PARD3B: variants seen among roughly 807,000 people sequenced by gnomAD.
The protein encoded by PARD3B is par-3 family cell polarity regulator beta, also known as partitioning defective 3 homolog B.
A neutral mutation model predicts 130.2 loss-of-function variants in PARD3B; 103 were observed. The observed-to-expected ratio is 0.79, with a 90% CI of 0.67 to 0.93. The LOEUF (loss-of-function observed/expected upper bound fraction) is 0.93, where lower values mean the gene tolerates loss of function less well. Among genes scored for constraint, PARD3B ranks in the 40% least tolerant of loss-of-function variants. The pLI, the probability that PARD3B is intolerant of heterozygous loss-of-function variation, is 0.00. For synonymous variants in PARD3B, 583 were observed against 553.2 expected (o/e 1.05, Z -0.76); for missense variants, 1,609 against 1,499.2 (o/e 1.07, Z -1.21).
chr2:204,939,081 G>C lies in PARD3B; in HGVS notation c.223-26071G>C, dbSNP rs149254704. Among the ~76,000 whole-genome samples the C allele has an allele frequency of 7.3e-3, 1,118 of 152,144 alleles. 6 individuals carry two copies. The highest frequency in any genetic ancestry group is 0.014 in the Admixed American group (213 of 15,280). Reference sequence around the variant, plus strand: ...AGGAAAATGAGTATTATCTGACATGGTACTCCTGAAAACATGTCAGTTACT... The same window carrying C: ...AGGAAAATGAGTATTATCTGACATGCTACTCCTGAAAACATGTCAGTTACT... On this transcript the variant is annotated intron_variant, in intron 2 of 22. Coordinates refer to ENST00000406610, the MANE Select transcript of PARD3B (RefSeq NM_001302769.2).
chr2:204,784,275 G>T (rs1212987099), intron 2 of PARD3B, among the ~76,000 whole-genome samples: 2 of 152,144 alleles, frequency 1.3e-5, no homozygotes. Context: ...GAGTTCTTAT[G>T]CTCTGGCAAA....
rs548135298 is a variant in PARD3B, at chr2:204,866,242, T to C, written c.223-98910T>C. ...TAACAGACAAATAGGTCCAGGGAGC[T>C]CAAAATCCATTTCCACCATTTATTA... On this transcript the variant is annotated intron_variant, in intron 2 of 22. Transcript: ENST00000406610. 4.6e-5 allele frequency among the ~76,000 whole-genome samples: 7 copies of C among 152,330 alleles called. No individual in the cohort carries two copies. In the South Asian group the frequency reaches 1.4e-3, roughly 32 times the overall value.
At chr2:205,027,492 T>C (rs1056627669) in intron 3 of PARD3B, among the ~76,000 whole-genome samples, 1 of 152,164 alleles carries the variant, frequency 6.6e-6, no homozygotes, top group African/African-American at 2.4e-5. Flanking sequence ...TTGCAAATAA[T>C]TTTTCCCAAT....
At chr2:205,353,312 C>G (rs370748405) in intron 18 of PARD3B, among the ~76,000 whole-genome samples, 1 of 152,204 alleles carries the variant, frequency 6.6e-6, no homozygotes. Context: ...TACCCCTTTT[C>G]TCCCCCTTGA....
intron 3 of PARD3B, among the ~76,000 whole-genome samples, chr2:205,017,669 C>T (rs536364110): frequency 6.6e-6 from 1 of 152,260 alleles, no homozygotes; most frequent in South Asian, 2.1e-4. Flanking sequence ...GTCCTTCCCT[C>T]ACCTTCACCC....
In PARD3B at chr2:204,907,315, T is replaced by C. The variant is rs534758690; in HGVS notation, c.223-57837T>C. Among the ~76,000 whole-genome samples the C allele has an allele frequency of 6.6e-6, 1 of 152,316 alleles. No individual in the cohort carries two copies. The highest frequency in any genetic ancestry group is 2.4e-5 in the African/African-American group (1 of 41,570). On this transcript the variant is annotated intron_variant, in intron 2 of 22. Transcript: ENST00000406610. This position sits in a 1 kb window ranked among gnomAD's most constrained non-coding sequence, Gnocchi z 5.7. The stretch of plus-strand genomic sequence containing the variant: ...CTGTGGAGGACAATGACTAGGGCTG[T>C]GACAGATGATGTGAATCCATAGGGC...
intron 4 of PARD3B, among the ~76,000 whole-genome samples, chr2:205,050,392 A>T (rs1212278755): frequency 6.6e-6 from 1 of 151,560 alleles, no homozygotes; most frequent in African/African-American, 2.4e-5. Context: ...ACTAGAAGGA[A>T]GGTGTGTGTG....
chr2:204,681,560 C>T (rs1322543410), intron 1 of PARD3B, among the ~76,000 whole-genome samples: 2 of 152,178 alleles, frequency 1.3e-5, no homozygotes, highest in Non-Finnish European at 1.5e-5. Flanking sequence ...TCATAATAAA[C>T]TGTATATTCA....
intron 2 of PARD3B, among the ~76,000 whole-genome samples, chr2:204,786,628 C>T (rs992944579): frequency 6.6e-6 from 1 of 151,656 alleles, no homozygotes; most frequent in African/African-American, 2.4e-5. Flanking sequence ...TGTCCTGTTT[C>T]CCCTTGTCAG....
At chr2:205,319,516 T>C (rs939548993) in intron 18 of PARD3B, among the ~76,000 whole-genome samples, 2 of 152,220 alleles carry the variant, frequency 1.3e-5, no homozygotes, top group Admixed American at 6.5e-5. Flanking sequence ...ATGGTCTGTG[T>C]AGCTGGCAGA....
chr2:205,209,546 G>A, intron 15 of PARD3B, among the ~76,000 whole-genome samples: 1 of 151,318 alleles, frequency 6.6e-6, no homozygotes, highest in Non-Finnish European at 1.5e-5. Context: ...TTCATTAGTT[G>A]AAAATGTTAT....
intron 2 of PARD3B, among the ~76,000 whole-genome samples, chr2:204,867,960 G>A (rs1396224270): frequency 6.6e-6 from 1 of 152,170 alleles, no homozygotes; most frequent in African/African-American, 2.4e-5. Context: ...TCTTGGGCTG[G>A]CAAGGAATCC....
intron 2 of PARD3B, among the ~76,000 whole-genome samples, chr2:204,946,200 TGAG>T (rs1689309231): frequency 1.3e-5 from 2 of 152,344 alleles, no homozygotes; most frequent in African/African-American, 4.8e-5. Flanking sequence ...GTTCTTGAAA[TGAG>T]GAGTTGTATG....
At chr2:205,311,825 A>G (rs2042396860) in intron 18 of PARD3B, among the ~76,000 whole-genome samples, 1 of 152,248 alleles carries the variant, frequency 6.6e-6, no homozygotes, top group South Asian at 2.1e-4. Flanking sequence ...GAATACAAAT[A>G]GAAAGGGTCT....
At chr2:204,625,356 ACAAGGGAGGG>A (rs1175440031) in intron 1 of PARD3B, among the ~76,000 whole-genome samples, 1 of 152,178 alleles carries the variant, frequency 6.6e-6, no homozygotes, top group Non-Finnish European at 1.5e-5. Flanking sequence ...ACAGCAACTG[ACAAGGGAGGG>A]CAAGGAACAT....
chr2:204,865,890 T>A (rs530662799), intron 2 of PARD3B, among the ~76,000 whole-genome samples: 3 of 152,220 alleles, frequency 2.0e-5, no homozygotes, highest in African/African-American at 7.2e-5. Context: ...ATTTATAAGC[T>A]ACATGGACCT....
intron 2 of PARD3B, among the ~76,000 whole-genome samples, chr2:204,771,656 C>T (rs1338148604): frequency 6.6e-6 from 1 of 151,904 alleles, no homozygotes; most frequent in Non-Finnish European, 1.5e-5. Context: ...ACATATACCC[C>T]CTGAATCTAA....
intron 21 of PARD3B, among the ~76,000 whole-genome samples, chr2:205,504,494 T>A (rs1487130097): frequency 6.6e-6 from 1 of 152,178 alleles, no homozygotes; most frequent in African/African-American, 2.4e-5. Flanking sequence ...AATCTACTCA[T>A]CTGACAAAGA....
intron 13 of PARD3B, among the ~76,000 whole-genome samples, chr2:205,185,067 A>C (rs1236135686): frequency 6.6e-6 from 1 of 152,212 alleles, no homozygotes; most frequent in East Asian, 1.9e-4. Context: ...ATAAGATCTC[A>C]ACAACCTTAC....
Sources: allele counts gnomAD v4.1 joint callset (sites outside exome capture counted in the v4.1 genomes callset), GRCh38; gene constraint gnomAD v4.1.1; non-coding constraint Gnocchi (gnomAD v3.1); transcripts MANE v1.5; gene names NCBI Gene and HGNC (gene_info 2026-07-23, HGNC 2026-07-21).